IFT140: variants seen among roughly 807,000 people sequenced by gnomAD.
IFT140 encodes the protein intraflagellar transport protein 140 homolog.
Under a neutral mutation model 164.6 loss-of-function variants are expected in IFT140, and 133 were observed. That is an observed-to-expected ratio of 0.81 (90% CI 0.70 to 0.93). The LOEUF is 0.93. Ranked by LOEUF, IFT140 falls within the 40% of genes least tolerant of loss-of-function variation. IFT140 has a pLI of 0.00. For missense variants in IFT140, 2,045 were observed against 1,972.3 expected (o/e 1.04, Z -0.70); for synonymous variants, 860 against 817.3 (o/e 1.05, Z -0.89).
intron 19 of IFT140, among the ~76,000 whole-genome samples, chr16:1,545,367 C>T (rs577188598): frequency 6.6e-6 from 1 of 152,228 alleles, no homozygotes; most frequent in Non-Finnish European, 1.5e-5. Flanking sequence ...CACCTCTCCC[C>T]CTCAGTGTCC....
intron 22 of IFT140, 103 bp downstream of exon 22, chr16:1,525,128 C>T (rs1037936816): frequency 5.4e-5 from 65 of 1,204,864 alleles, no homozygotes; most frequent in South Asian, 3.4e-4. Context: ...GCTGCCCACT[C>T]GTGCAGGAAG....
Position 1,583,357 on chromosome 16 carries a change from C to A in IFT140, c.1389G>T (p.Gln463His). The A allele has an allele frequency of 6.2e-7, 1 of 1,614,172 alleles. No individual in the cohort carries two copies. The highest frequency in any genetic ancestry group is 1.1e-5 in the South Asian group (1 of 91,086). Residue 463 changes from glutamine (Q) to histidine (H), a missense_variant, in exon 12 of 31, where the codon CAG becomes CAT. Coordinates refer to ENST00000426508, the MANE Select transcript of IFT140 (RefSeq NM_014714.4). ...CTCCAGAAAGCTCGAAGATCGCCAC[C>A]TGCCTTCCGTTCCAGACTGCGACAG... is the stretch of plus-strand genomic sequence containing the variant. ...KDAVAVWNGR[Q>H]VAIFELSGAA...
chr16:1,511,282 ACT>A, intron 30 of IFT140, 132 bp from the exon 31 acceptor site: 1 of 792,044 alleles, frequency 1.3e-6, no homozygotes, highest in Non-Finnish European at 2.1e-6. Flanking sequence ...CACGGGGTGC[ACT>A]GAGGCTTCCC....
intron 4 of IFT140, among the ~76,000 whole-genome samples, chr16:1,594,797 C>T (rs539068664): frequency 6.6e-6 from 1 of 152,274 alleles, no homozygotes; most frequent in South Asian, 2.1e-4. Context: ...AGTCCGTGTG[C>T]GTGGCTCTTC....
chr16:1,553,300 C>T lies in IFT140; in HGVS notation c.2399+4635G>A. 1 of 984,220 alleles carries T rather than the reference C, an allele frequency of 1.0e-6. No individual in the cohort carries two copies. 61.0% of individuals were successfully genotyped at this position (984,220 alleles called of 1,614,324 possible). On this transcript the variant is annotated intron_variant, in intron 19 of 30. Transcript: ENST00000426508. This position sits in a 1 kb window ranked among gnomAD's most constrained non-coding sequence, Gnocchi z 4.4. ...TCTCTCTGTGTCTCTGCCTGTCTCT[C>T]TGTGTCTCTGTCTCTGTGTCTCTGT... is the stretch of plus-strand genomic sequence containing the variant.
intron 19 of IFT140, among the ~76,000 whole-genome samples, chr16:1,550,601 C>A (rs1453757744): frequency 2.6e-5 from 4 of 152,150 alleles, no homozygotes; most frequent in Non-Finnish European, 4.4e-5. Context: ...TGCTAGGGCA[C>A]CCGGCAGGCT....
chr16:1,602,291 T>C (rs2035833200), intron 4 of IFT140, 79 bp downstream of exon 4: 2 of 1,241,632 alleles, frequency 1.6e-6, no homozygotes, highest in African/African-American at 3.0e-5. Context: ...ACGGTTCCCA[T>C]ATTTTGATCT....
intron 4 of IFT140, among the ~76,000 whole-genome samples, chr16:1,598,368 G>T (rs2035569765): frequency 6.6e-6 from 1 of 152,118 alleles, no homozygotes; most frequent in Non-Finnish European, 1.5e-5. Context: ...TGAGGCAGGA[G>T]AATGGCGTGA....
Position 1,573,941 on chromosome 16 carries a change from G to C in IFT140, c.1525-2407C>G, listed in dbSNP as rs370504108. ...GTCCTTTTCAGGGATCAGGCCCCCAGAGACCTTAAATGAGGCAGCAGCCAC... is the reference window on the plus strand; with the variant it reads ...GTCCTTTTCAGGGATCAGGCCCCCACAGACCTTAAATGAGGCAGCAGCCAC... On this transcript the variant is annotated intron_variant, in intron 13 of 30. Coordinates refer to ENST00000426508, the MANE Select transcript of IFT140 (RefSeq NM_014714.4). Among the ~76,000 whole-genome samples the C allele has an allele frequency of 3.3e-5, 5 of 152,330 alleles. 1 individual carries two copies. The highest frequency in any genetic ancestry group is 1.9e-4 in the East Asian group (1 of 5,188).
chr16:1,530,530 G>A lies in IFT140; in HGVS notation c.2400-3734C>T, dbSNP rs544925981. ...GCTGGGACCTGCCTCTACCTGCCCCGCGTGGCTCCTTTCCTCTCCCTTGTC... is the reference window on the plus strand; with the variant it reads ...GCTGGGACCTGCCTCTACCTGCCCCACGTGGCTCCTTTCCTCTCCCTTGTC... On this transcript the variant is annotated intron_variant, in intron 19 of 30. Coordinates refer to ENST00000426508, the MANE Select transcript of IFT140 (RefSeq NM_014714.4). 3.9e-5 allele frequency among the ~76,000 whole-genome samples: 6 copies of A among 152,322 alleles called. No individual in the cohort carries two copies. In the South Asian group the frequency reaches 8.3e-4, roughly 21 times the overall value.
chr16:1,612,021 C>T lies in IFT140; in HGVS notation c.-275G>A, dbSNP rs2036334174. On this transcript the variant is annotated 5_prime_UTR_variant, in exon 1 of 31. The change creates a new upstream start codon in the 5' untranslated region. Transcript: ENST00000426508. ...GAACTCAGGTTCGCGCCCGATTCCA[C>T]ACTCCGAGCTACCACGCCGTTTTCT... The T allele has an allele frequency of 6.6e-6, 1 of 152,272 alleles. No homozygotes were observed. Among genetic ancestry groups the T allele is most frequent in the Non-Finnish European group, 1.5e-5 (1 of 68,082 alleles). 9.4% of individuals were successfully genotyped at this position (152,272 alleles called of 1,614,324 possible). A position where few individuals can be genotyped will look rare whatever the true frequency, so the allele number is the denominator to read the frequency against.
chr16:1,593,456 T>G (rs1325493211), intron 4 of IFT140, among the ~76,000 whole-genome samples: 1 of 151,902 alleles, frequency 6.6e-6, no homozygotes, highest in Non-Finnish European at 1.5e-5. Flanking sequence ...GGACGACAGG[T>G]GCATGCCACC....
chr16:1,523,704 C>A lies in IFT140; in HGVS notation c.3271-4G>T, dbSNP rs200815296. The A allele has an allele frequency of 1.9e-6, 3 of 1,612,592 alleles. No homozygotes were observed. The highest frequency in any genetic ancestry group is 2.2e-5 in the East Asian group (1 of 44,850). ...GGGCCTTGGAGAAGTGGCCAGCCTG[C>A]GGATACGGTGGGCTCTGAGCAGCTG... On this transcript the variant is annotated splice_polypyrimidine_tract_variant and splice_region_variant and intron_variant, in intron 25 of 30. Transcript: ENST00000426508.
intron 20 of IFT140, 53 bp downstream of exon 20, chr16:1,526,566 G>A: frequency 6.9e-7 from 1 of 1,438,870 alleles, no homozygotes; most frequent in Non-Finnish European, 9.1e-7. Context: ...AGGGGGCCGT[G>A]GCTGTGGCAG....
chr16:1,608,940 G>A (rs2036211073), intron 2 of IFT140, among the ~76,000 whole-genome samples: 1 of 152,058 alleles, frequency 6.6e-6, no homozygotes, highest in Non-Finnish European at 1.5e-5. Flanking sequence ...TGGATCACAA[G>A]GTCAGAAGAT....
chr16:1,534,645 G>C, intron 19 of IFT140: 18 of 1,565,372 alleles, frequency 1.1e-5, no homozygotes, highest in Non-Finnish European at 1.4e-5. Context: ...TGAGCGGGTG[G>C]GGAGGCCTGG....
chr16:1,533,676 C>G lies in IFT140; in HGVS notation c.2400-6880G>C, dbSNP rs1161434112. 1 of 152,752 alleles carries G rather than the reference C, an allele frequency of 6.5e-6. No individual in the cohort carries two copies. The highest frequency in any genetic ancestry group is 2.4e-5 in the African/African-American group (1 of 41,490). 9.5% of individuals were successfully genotyped at this position (152,752 alleles called of 1,614,324 possible). A position where few individuals can be genotyped will look rare whatever the true frequency, so the allele number is the denominator to read the frequency against. ...AGTCTCAAAAACAACCATTTCCTCT[C>G]TGCTGAGAGCCAGGGAAGGCGAGCT... On this transcript the variant is annotated intron_variant, in intron 19 of 30. Coordinates refer to ENST00000426508, the MANE Select transcript of IFT140 (RefSeq NM_014714.4). This position sits in a 1 kb window ranked among gnomAD's most constrained non-coding sequence, Gnocchi z 4.7.
At position 1,525,898 on chromosome 16, in the gene IFT140, C is replaced by T. The variant is rs1435892996; in HGVS notation, c.2757G>A (p.Arg919=). ...AGGGCCGCACTCACTAACTGAGGGCCCGGCTGCAGTCGGCGCTGGCCTCCA... is the reference window on the plus strand; with the variant it reads ...AGGGCCGCACTCACTAACTGAGGGCTCGGCTGCAGTCGGCGCTGGCCTCCA... ...GHLEASADCS[R]ALSYYEKSDT... Residue 919 remains arginine (R), a synonymous_variant, in exon 21 of 31, where the codon CGG becomes CGA. Transcript: ENST00000426508. 1.3e-6 allele frequency: 2 copies of T among 1,546,778 alleles called. No homozygotes were observed. The highest frequency in any genetic ancestry group is 2.4e-5 in the South Asian group (2 of 84,124).
chr16:1,561,662 C>A (rs981497003), intron 18 of IFT140, among the ~76,000 whole-genome samples: 13 of 152,222 alleles, frequency 8.5e-5, no homozygotes, highest in African/African-American at 3.1e-4. Context: ...AGGTGTTCAG[C>A]ATTCGGGGAA....
Sources: allele counts gnomAD v4.1 joint callset (sites outside exome capture counted in the v4.1 genomes callset), GRCh38; gene constraint gnomAD v4.1.1; non-coding constraint Gnocchi (gnomAD v3.1); transcripts MANE v1.5; gene names NCBI Gene and HGNC (gene_info 2026-07-23, HGNC 2026-07-21).